CLINT1: variants seen among roughly 807,000 people sequenced by gnomAD.
CLINT1 encodes clathrin interactor 1, also known as clathrin interacting protein localized in the trans-Golgi region.
In CLINT1, 15 loss-of-function variants were observed where a neutral mutation model predicts 70.4. The ratio of observed to expected loss-of-function variants is 0.21; its 90% CI spans 0.14 to 0.33. The LOEUF (loss-of-function observed/expected upper bound fraction) is 0.33, where lower values mean the gene tolerates loss of function less well. CLINT1 is among the 10% of genes least tolerant of loss of function. CLINT1 has a pLI of 1.00. For missense variants in CLINT1, 615 were observed against 778.1 expected, an observed-to-expected ratio of 0.79 and a Z score of 2.49; for synonymous variants, 227 against 254.7, an observed-to-expected ratio of 0.89 and a Z score of 1.04.
At chr5:157,829,926 T>C (rs1297522607) in intron 1 of CLINT1, among the ~76,000 whole-genome samples, 1 of 151,938 alleles carries the variant, frequency 6.6e-6, no homozygotes, top group Non-Finnish European at 1.5e-5. Flanking sequence ...CTCATTTTGG[T>C]ATATGCTATT....
rs147776397 is a variant in CLINT1 at position 157,841,133 on chromosome 5, G to A, written c.41+17797C>T. ...CAAAAACTAATTAGCCAGCATGGTG[G>A]CATATGCCTGTAGTTCCAGCTACAC... On this transcript the variant is annotated intron_variant, in intron 1 of 11. Transcript: ENST00000411809. 1.4e-4 allele frequency among the ~76,000 whole-genome samples: 21 copies of A among 152,144 alleles called. 1 individual carries two copies. In the East Asian group the frequency reaches 3.7e-3, roughly 27 times the overall value.
At chr5:157,816,573 T>C (rs956841340) in intron 3 of CLINT1, among the ~76,000 whole-genome samples, 161 bp downstream of exon 3, 1 of 152,202 alleles carries the variant, frequency 6.6e-6, no homozygotes, top group Non-Finnish European at 1.5e-5. Context: ...TCATGATGAC[T>C]AGAAAATAGA....
chr5:157,808,205 A>G (rs1182405846), intron 6 of CLINT1, among the ~76,000 whole-genome samples: 1 of 152,072 alleles, frequency 6.6e-6, no homozygotes, highest in Non-Finnish European at 1.5e-5. Context: ...TTTGGAAAAC[A>G]TTATTGAAAT....
chr5:157,838,611 T>C (rs1245661555), intron 1 of CLINT1, among the ~76,000 whole-genome samples: 9 of 152,232 alleles, frequency 5.9e-5, no homozygotes, highest in African/African-American at 2.4e-5. Context: ...TTAATTAGAA[T>C]AGTGCTGCCA....
chr5:157,848,705 A>G (rs1474574513), intron 1 of CLINT1, among the ~76,000 whole-genome samples: 1 of 152,150 alleles, frequency 6.6e-6, no homozygotes, highest in African/African-American at 2.4e-5. Context: ...TCTGTTGTCC[A>G]GGCTGGAGTG....
intron 1 of CLINT1, among the ~76,000 whole-genome samples, chr5:157,837,499 G>C (rs2113287261): frequency 6.6e-6 from 1 of 152,126 alleles, no homozygotes; most frequent in South Asian, 2.1e-4. Flanking sequence ...ACTCATACTT[G>C]AGAAATGCAA....
At chr5:157,833,963 G>C (rs1437352411) in intron 1 of CLINT1, among the ~76,000 whole-genome samples, 1 of 152,002 alleles carries the variant, frequency 6.6e-6, no homozygotes, top group East Asian at 1.9e-4. Context: ...ACAGTGTATT[G>C]TAACAGGCAT....
chr5:157,855,230 C>T (rs894675970), intron 1 of CLINT1, among the ~76,000 whole-genome samples: 6 of 147,626 alleles, frequency 4.1e-5, no homozygotes, highest in African/African-American at 7.5e-5. Flanking sequence ...GAGAAGGATT[C>T]GCTGAGCTTG....
chr5:157,856,715 C>G (rs1351353569), intron 1 of CLINT1, among the ~76,000 whole-genome samples: 1 of 152,148 alleles, frequency 6.6e-6, no homozygotes, highest in Non-Finnish European at 1.5e-5. Context: ...ACCTCATGTT[C>G]TAATCTTAAT....
intron 8 of CLINT1, among the ~76,000 whole-genome samples, chr5:157,801,801 G>A (rs1762230172): frequency 6.6e-6 from 1 of 152,114 alleles, no homozygotes. Flanking sequence ...AGGTAAGGAG[G>A]AGGAAATAAT....
chr5:157,818,820 T>G (rs1762796648), intron 1 of CLINT1, among the ~76,000 whole-genome samples: 1 of 152,210 alleles, frequency 6.6e-6, no homozygotes, highest in South Asian at 2.1e-4. Flanking sequence ...ATTTAAGAAT[T>G]CAAAGACATT....
At chr5:157,792,207 T>C (rs1761936800) in intron 9 of CLINT1, among the ~76,000 whole-genome samples, 1 of 151,926 alleles carries the variant, frequency 6.6e-6, no homozygotes, top group Non-Finnish European at 1.5e-5. Flanking sequence ...AAATATAACG[T>C]AAAATCCATC....
intron 1 of CLINT1, among the ~76,000 whole-genome samples, chr5:157,828,562 T>C (rs1763110718): frequency 6.6e-6 from 1 of 152,138 alleles, no homozygotes; most frequent in African/African-American, 2.4e-5. Flanking sequence ...GTTAGAGTGG[T>C]AATAACTAGA....
chr5:157,830,989 A>G (rs535285635), intron 1 of CLINT1, among the ~76,000 whole-genome samples: 4 of 151,802 alleles, frequency 2.6e-5, no homozygotes, highest in African/African-American at 9.7e-5. Context: ...GGCTGCAGTG[A>G]GACATGATAG....
intron 7 of CLINT1, among the ~76,000 whole-genome samples, chr5:157,804,952 A>AAAGAAC (rs1480024112): frequency 1.3e-5 from 2 of 151,730 alleles, no homozygotes; most frequent in East Asian, 3.9e-4. Flanking sequence ...AGAAAAAGAA[A>AAAGAAC]AAGCTTGTAC....
intron 11 of CLINT1, 51 bp downstream of exon 11, chr5:157,789,312 G>A: frequency 6.6e-7 from 1 of 1,511,744 alleles, no homozygotes; most frequent in South Asian, 1.1e-5. Flanking sequence ...CTGGCATTAA[G>A]GCAAAAGACT....
chr5:157,807,407 T>C (rs1478677692), intron 6 of CLINT1, among the ~76,000 whole-genome samples: 6 of 152,128 alleles, frequency 3.9e-5, no homozygotes, highest in African/African-American at 1.2e-4. Context: ...CGCAAAATAA[T>C]TTATTCACAA....
intron 3 of CLINT1, among the ~76,000 whole-genome samples, chr5:157,816,325 G>T (rs1189501019): frequency 1.3e-5 from 2 of 152,064 alleles, no homozygotes; most frequent in Admixed American, 1.3e-4. Context: ...ATTATATTTT[G>T]AACATTTTGG....
In CLINT1 at chr5:157,855,886, G is replaced by A. The variant is rs190548943; in HGVS notation, c.41+3044C>T. On this transcript the variant is annotated intron_variant, in intron 1 of 11. Transcript: ENST00000411809. Reference sequence around the variant, plus strand: ...AGAAGTGTAAGCTGCAGTGAGCTGAGATCTCGCCACTGCACTTCAGCCCCG... The same window carrying A: ...AGAAGTGTAAGCTGCAGTGAGCTGAAATCTCGCCACTGCACTTCAGCCCCG... 4.6e-5 allele frequency among the ~76,000 whole-genome samples: 7 copies of A among 151,632 alleles called. No homozygotes were observed. In the East Asian group the frequency reaches 1.4e-3, roughly 29 times the overall value.
Sources: gnomAD v4.1 joint callset for allele counts (sites outside exome capture counted in the v4.1 genomes callset) on GRCh38, gnomAD v4.1.1 for gene constraint, MANE v1.5 for transcripts, NCBI Gene and HGNC (gene_info 2026-07-23, HGNC 2026-07-21) for gene names.